Variants in DUSP10 observed in about 807,000 individuals in gnomAD.
DUSP10 encodes dual specificity protein phosphatase 10.
DUSP10 carries 14 observed loss-of-function variants against 30.8 expected under a neutral mutation model. The observed-to-expected ratio is 0.46, with a 90% confidence interval of 0.30 to 0.71. The LOEUF is 0.71. DUSP10 is among the 30% of genes least tolerant of loss of function. The pLI, the probability that DUSP10 is intolerant of heterozygous loss-of-function variation, is 0.08. For synonymous variants in DUSP10, 254 were observed against 250.4 expected (o/e 1.01, Z -0.14); for missense variants, 550 against 619.4 (o/e 0.89, Z 1.19).
chr1:221,737,206 C>T (rs1661802484), intron 2 of DUSP10: 2 of 985,290 alleles, frequency 2.0e-6, no homozygotes, highest in African/African-American at 1.7e-5. Flanking sequence ...CATCTTGATC[C>T]GTGTTGTTTC....
intron 3 of DUSP10, among the ~76,000 whole-genome samples, chr1:221,704,609 T>A (rs1424400038): frequency 6.6e-6 from 1 of 152,236 alleles, no homozygotes; most frequent in South Asian, 2.1e-4. Flanking sequence ...GCATCCTCAG[T>A]GTTGCCAGTT....
intron 2 of DUSP10, among the ~76,000 whole-genome samples, chr1:221,717,456 A>AG (rs1661138529): frequency 8.4e-6 from 1 of 118,460 alleles, no homozygotes; most frequent in African/African-American, 3.3e-5. Flanking sequence ...GGGGAAAAGA[A>AG]ACAGAGAGAG....
chr1:221,702,758 G>A lies in DUSP10; in HGVS notation c.1184-81C>T. The A allele has an allele frequency of 1.4e-6, 2 of 1,419,404 alleles. No homozygotes were observed. Among genetic ancestry groups the A allele is most frequent in the South Asian group, 2.5e-5 (2 of 79,340 alleles). The allele number at this position is 1,419,404 out of a possible 1,614,324, so 87.9% of individuals were successfully genotyped here. Reference sequence around the variant, plus strand: ...AGAGAGAAACTTTCATCTCAACTTTGCAATGCCTTATTTTGTATAGAAATA... The same window carrying A: ...AGAGAGAAACTTTCATCTCAACTTTACAATGCCTTATTTTGTATAGAAATA... On this transcript the variant is annotated intron_variant, in intron 3 of 3. Coordinates refer to ENST00000366899, the MANE Select transcript of DUSP10 (RefSeq NM_007207.6). This position sits in a 1 kb window ranked among gnomAD's most constrained non-coding sequence, Gnocchi z 4.5.
intron 2 of DUSP10, among the ~76,000 whole-genome samples, chr1:221,716,334 T>C (rs963310063): frequency 1.3e-5 from 2 of 152,198 alleles, no homozygotes; most frequent in African/African-American, 4.8e-5. Context: ...CACAAAGGTT[T>C]CAGTAAGAAC....
chr1:221,739,757 A>C lies in DUSP10; in HGVS notation c.-13T>G. The C allele has an allele frequency of 6.4e-7, 1 of 1,557,854 alleles. No homozygotes were observed. The highest frequency in any genetic ancestry group is 8.7e-7 in the Non-Finnish European group (1 of 1,152,532). ...GAGACGGAGGCATGAGGAGGCTGAA[A>C]ACTGGCAATTCAAGAAGAACTCAAG... On this transcript the variant is annotated 5_prime_UTR_variant, in exon 2 of 4. Transcript: ENST00000366899.
chr1:221,731,100 A>G (rs538991819), intron 2 of DUSP10, among the ~76,000 whole-genome samples: 1 of 152,164 alleles, frequency 6.6e-6, no homozygotes, highest in Non-Finnish European at 1.5e-5. Context: ...GTGAATATAG[A>G]GTCTACAGTA....
In DUSP10 at chr1:221,724,869, G is replaced by C. The variant is rs562906064; in HGVS notation, c.811+14065C>G. 3.3e-5 allele frequency among the ~76,000 whole-genome samples: 5 copies of C among 152,184 alleles called. No individual in the cohort carries two copies. The South Asian group carries it at 1.0e-3, about 32-fold the overall frequency. On this transcript the variant is annotated intron_variant, in intron 2 of 3. Coordinates refer to ENST00000366899, the MANE Select transcript of DUSP10 (RefSeq NM_007207.6). Reference sequence around the variant, plus strand: ...AAGAAACACTTCAACTTGGAGAAGAGAGGCTCTCTGATCGATTAACTACAG... The same window carrying C: ...AAGAAACACTTCAACTTGGAGAAGACAGGCTCTCTGATCGATTAACTACAG...
At chr1:221,703,201 ATGTGTG>A (rs150612120) in intron 3 of DUSP10, among the ~76,000 whole-genome samples, 2 of 149,904 alleles carry the variant, frequency 1.3e-5, no homozygotes, top group African/African-American at 4.9e-5. Flanking sequence ...ATGTGTGTGT[ATGTGTG>A]TGTGTGTGTG....
Sources: allele counts gnomAD v4.1 joint callset (sites outside exome capture counted in the v4.1 genomes callset), GRCh38; gene constraint gnomAD v4.1.1; non-coding constraint Gnocchi (gnomAD v3.1); transcripts MANE v1.5; gene names NCBI Gene and HGNC (gene_info 2026-07-23, HGNC 2026-07-21).